RBBP4: variants seen among roughly 807,000 people sequenced by gnomAD.
The protein encoded by RBBP4 is histone-binding protein RBBP4.
In RBBP4, 3 loss-of-function variants were observed where a neutral mutation model predicts 57.2. That is an observed-to-expected ratio of 0.05 (90% confidence interval 0.02 to 0.14). The LOEUF is 0.14. Among genes scored for constraint, RBBP4 ranks in the 10% least tolerant of loss-of-function variants. The pLI is 1.00. For missense variants in RBBP4, 107 were observed against 520.6 expected (o/e 0.21, Z 7.73); for synonymous variants, 151 against 171.5 (o/e 0.88, Z 0.93).
At chr1:32,666,858 A>G (rs1261190478) in intron 3 of RBBP4, among the ~76,000 whole-genome samples, 1 of 152,244 alleles carries the variant, frequency 6.6e-6, no homozygotes, top group Non-Finnish European at 1.5e-5. Context: ...TCAACTTTTA[A>G]TATTACTCTT....
rs602580 is a variant in RBBP4 at position 32,685,117 on chromosome 1, T to C, written c.*5412T>C. ...CTCCCGCCTCGGTCTCCCAAAGTGC[T>C]GGGATTACAGGTGTGAGCCACTGTG... On this transcript the variant is annotated 3_prime_UTR_variant, in exon 12 of 12. Transcript: ENST00000373493. The C allele has an allele frequency of 0.97, 148,198 of 152,306 alleles. 72,233 individuals carry two copies. The highest frequency in any genetic ancestry group is 1 in the South Asian group (4,856 of 4,856). 9.4% of individuals were successfully genotyped at this position (152,306 alleles called of 1,614,324 possible).
intron 3 of RBBP4, among the ~76,000 whole-genome samples, chr1:32,662,667 C>G (rs1392543820): frequency 1.3e-5 from 2 of 151,966 alleles, no homozygotes. Flanking sequence ...AGCCACCATG[C>G]CCAGCCTAGT....
At chr1:32,652,172 C>T in intron 2 of RBBP4, 111 bp downstream of exon 2, 1 of 1,272,610 alleles carries the variant, frequency 7.9e-7, no homozygotes, top group Non-Finnish European at 1.1e-6. Context: ...TGATCAAAAC[C>T]TCTTGGTGAC....
chr1:32,678,361 G>A (rs1046617288), intron 11 of RBBP4, among the ~76,000 whole-genome samples: 2 of 151,728 alleles, frequency 1.3e-5, no homozygotes, highest in Non-Finnish European at 2.9e-5. Context: ...CAAATAGCTG[G>A]GATTACAGGC....
In RBBP4 at chr1:32,681,920, C is replaced by A; in HGVS notation, c.*2215C>A. 1 of 1,468,416 alleles carries A rather than the reference C, an allele frequency of 6.8e-7. No individual in the cohort carries two copies. Among genetic ancestry groups the A allele is most frequent in the Non-Finnish European group, 9.5e-7 (1 of 1,048,282 alleles). The allele number at this position is 1,468,416 out of a possible 1,614,324, so 91.0% of individuals were successfully genotyped here. A position where few individuals can be genotyped will look rare whatever the true frequency, so the allele number is the denominator to read the frequency against. Reference sequence around the variant, plus strand: ...ACTTCTGAGGTTTAGTTACTGCAGGCTTTGTTGAGAAGAGATTGTTACAGT... The same window carrying A: ...ACTTCTGAGGTTTAGTTACTGCAGGATTTGTTGAGAAGAGATTGTTACAGT... On this transcript the variant is annotated 3_prime_UTR_variant, in exon 12 of 12. Transcript: ENST00000373493.
rs1649304222 is a variant in RBBP4 at position 32,679,870 on chromosome 1, TA to T, written c.*166del. 4 of 1,305,184 alleles carry T rather than the reference TA, an allele frequency of 3.1e-6. No homozygotes were observed. The highest frequency in any genetic ancestry group is 2.4e-5 in the South Asian group (1 of 41,632). 80.9% of individuals were successfully genotyped at this position (1,305,184 alleles called of 1,614,324 possible). The stretch of plus-strand genomic sequence containing the variant: ...ACCGTGGGTGTTTTCTAAATATTAA[TA>T]GGGGGGCTTGATTCAACAAAGCCAC... On this transcript the variant is annotated 3_prime_UTR_variant, in exon 12 of 12. Transcript: ENST00000373493.
intron 3 of RBBP4, 133 bp from the exon 4 acceptor site, chr1:32,668,092 A>G (rs1648731329): frequency 1.3e-6 from 1 of 782,074 alleles, no homozygotes; most frequent in Non-Finnish European, 2.0e-6. Flanking sequence ...AGTGCTAGCA[A>G]ATGTATAGAT....
At chr1:32,670,254 G>C (rs978442883) in intron 8 of RBBP4, among the ~76,000 whole-genome samples, 2 of 152,182 alleles carry the variant, frequency 1.3e-5, no homozygotes, top group African/African-American at 4.8e-5. Flanking sequence ...CTGACACTTA[G>C]TGATCTCTTC....
chr1:32,651,630 G>A (rs664567), intron 1 of RBBP4: 781,479 of 788,090 alleles, frequency 0.99, 387,765 homozygotes, highest in East Asian at 1. Context: ...ACAAGGCTCG[G>A]AGCTCGGGCC....
rs1380408643 is a variant in RBBP4 at position 32,669,451 on chromosome 1, A to G, written c.889-35A>G. 1.3e-6 allele frequency: 2 copies of G among 1,568,038 alleles called. No individual in the cohort carries two copies. Among genetic ancestry groups the G allele is most frequent in the Middle Eastern group, 4.7e-4 (2 of 4,268 alleles). ...CTTACAGTATTTTTTTTTTCTTAAA[A>G]AATTGATTACTCTTGCTTTTCTTTT... On this transcript the variant is annotated intron_variant, in intron 7 of 11. Transcript: ENST00000373493. The surrounding 1 kb of genome is among the most constrained non-coding windows in gnomAD (Gnocchi z 4.9).
At position 32,672,916 on chromosome 1, in the gene RBBP4, AT is replaced by A. The variant is rs1167177558; in HGVS notation, c.1212+18del. ...TGTGGCAAATGGTAAGGGTTTAGTAATTTATTTTGGGGAGGTGAAATAAGTG... is the reference window on the plus strand; with the variant it reads ...TGTGGCAAATGGTAAGGGTTTAGTAATTATTTTGGGGAGGTGAAATAAGTG... On this transcript the variant is annotated intron_variant, in intron 11 of 11. Coordinates refer to ENST00000373493, the MANE Select transcript of RBBP4 (RefSeq NM_005610.3). 16 of 1,562,648 alleles carry A rather than the reference AT, an allele frequency of 1.0e-5. No individual in the cohort carries two copies. The highest frequency in any genetic ancestry group is 1.4e-5 in the Non-Finnish European group (16 of 1,137,186).
At chr1:32,653,994 G>GAT (rs1648028269) in intron 2 of RBBP4, among the ~76,000 whole-genome samples, 1 of 152,044 alleles carries the variant, frequency 6.6e-6, no homozygotes, top group South Asian at 2.1e-4. Context: ...GTTCCCACAT[G>GAT]CAATTGATCA....
chr1:32,666,164 A>T (rs1352177087), intron 3 of RBBP4, among the ~76,000 whole-genome samples: 3 of 152,148 alleles, frequency 2.0e-5, no homozygotes, highest in Non-Finnish European at 4.4e-5. Flanking sequence ...CCTCACTGAA[A>T]TAAAAGAAAC....
chr1:32,663,965 T>C lies in RBBP4; in HGVS notation c.311-4260T>C, dbSNP rs540948971. Among the ~76,000 whole-genome samples the C allele has an allele frequency of 4.9e-4, 74 of 150,236 alleles. 1 individual carries two copies. The highest frequency in any genetic ancestry group is 1.8e-3 in the African/African-American group (72 of 40,890). On this transcript the variant is annotated intron_variant, in intron 3 of 11. Coordinates refer to ENST00000373493, the MANE Select transcript of RBBP4 (RefSeq NM_005610.3). Reference sequence around the variant, plus strand: ...TTTTTGAGATGGAGTCTCGCTCTGTTGCCCAGGCTGGTATGCAGTGGCGCG... The same window carrying C: ...TTTTTGAGATGGAGTCTCGCTCTGTCGCCCAGGCTGGTATGCAGTGGCGCG...
chr1:32,674,541 G>A (rs747328472), intron 11 of RBBP4, among the ~76,000 whole-genome samples: 44 of 146,538 alleles, frequency 3.0e-4, no homozygotes, highest in Middle Eastern at 6.8e-3. Flanking sequence ...ACTTTTTTTT[G>A]TTTTTAAAGA....
At chr1:32,654,326 T>C (rs1419379783) in intron 2 of RBBP4, among the ~76,000 whole-genome samples, 2 of 152,154 alleles carry the variant, frequency 1.3e-5, no homozygotes, top group African/African-American at 4.8e-5. Context: ...TGCATTGAGC[T>C]GTGATCCTGC....
chr1:32,669,081 T>C lies in RBBP4; in HGVS notation c.710T>C (p.Leu237Pro). The change falls in exon 6 of 12, where the codon CTA (leucine) becomes CCA (proline). Residue 237 changes from leucine (L) to proline (P), a missense_variant. Transcript: ENST00000373493. The surrounding 1 kb of genome is among the most constrained non-coding windows in gnomAD (Gnocchi z 4.9). Reference sequence around the variant, plus strand: ...GTAGTAGAAGATGTTTCCTGGCATCTACTCCATGAGTCTCTGTTTGGGTCA... The same window carrying C: ...GTAGTAGAAGATGTTTCCTGGCATCCACTCCATGAGTCTCTGTTTGGGTCA... ...TAVVEDVSWH[L>P]LHESLFGSVA... The C allele has an allele frequency of 6.2e-7, 1 of 1,614,232 alleles. No individual in the cohort carries two copies. The highest frequency in any genetic ancestry group is 1.7e-5 in the Admixed American group (1 of 60,028).
chr1:32,661,622 A>G lies in RBBP4; in HGVS notation c.310+4050A>G, dbSNP rs573848641. ...TTTTAGTTATTTGAGAAATCTCCAC[A>G]GACTGCTTTTCACAGTTGTTGAACT... On this transcript the variant is annotated intron_variant, in intron 3 of 11. Transcript: ENST00000373493. Among the ~76,000 whole-genome samples, 4 of 152,010 alleles carry G rather than the reference A, an allele frequency of 2.6e-5. No homozygotes were observed. In the South Asian group the frequency reaches 8.3e-4, roughly 32 times the overall value.
chr1:32,658,212 T>A (rs184483780), intron 3 of RBBP4, among the ~76,000 whole-genome samples: 1 of 152,244 alleles, frequency 6.6e-6, no homozygotes, highest in Admixed American at 6.5e-5. Context: ...AAAATTGGTT[T>A]GTGTATGTGA....
Sources: gnomAD v4.1 joint callset for allele counts (sites outside exome capture counted in the v4.1 genomes callset) on GRCh38, gnomAD v4.1.1 for gene constraint, Gnocchi (gnomAD v3.1) non-coding constraint, MANE v1.5 for transcripts, NCBI Gene and HGNC (gene_info 2026-07-23, HGNC 2026-07-21) for gene names.